Variants in SYN3 observed in about 807,000 individuals in gnomAD.
SYN3 encodes the protein synapsin III.
In SYN3, 35 loss-of-function variants were observed where a neutral mutation model predicts 65.8. The observed-to-expected ratio is 0.53, with a 90% CI of 0.41 to 0.70. SYN3 has a LOEUF of 0.70. SYN3 is among the 30% of genes least tolerant of loss of function. The probability of loss-of-function intolerance (pLI) is 0.00; values close to 1 mark genes in which losing one functional copy is unlikely to be tolerated. For missense variants in SYN3, 680 were observed against 749.0 expected, an observed-to-expected ratio of 0.91 and a Z score of 1.08; for synonymous variants, 270 against 292.9, an observed-to-expected ratio of 0.92 and a Z score of 0.80.
intron 4 of SYN3, among the ~76,000 whole-genome samples, chr22:32,901,913 G>A (rs1473871888): frequency 1.3e-5 from 2 of 152,244 alleles, no homozygotes; most frequent in Admixed American, 1.3e-4. Context: ...AGCTACTGAA[G>A]GGGAGGACAG....
chr22:33,002,159 T>C (rs1484290621), intron 2 of SYN3, among the ~76,000 whole-genome samples: 1 of 151,996 alleles, frequency 6.6e-6, no homozygotes, highest in South Asian at 2.1e-4. Context: ...ACAAACAAAG[T>C]TTCATGATAA....
At chr22:32,918,695 G>T (rs992297095) in intron 4 of SYN3, among the ~76,000 whole-genome samples, 1 of 152,204 alleles carries the variant, frequency 6.6e-6, no homozygotes, top group South Asian at 2.1e-4. Context: ...AGTAGGAGGT[G>T]CATGGGTAAG....
chr22:32,951,206 G>A (rs186963776), intron 3 of SYN3, among the ~76,000 whole-genome samples: 115 of 152,118 alleles, frequency 7.6e-4, no homozygotes, highest in Non-Finnish European at 4.4e-4. Flanking sequence ...CCCTAGTTCC[G>A]ACTTGCTCAG....
chr22:32,714,927 C>T (rs774703680), intron 6 of SYN3, among the ~76,000 whole-genome samples: 31 of 152,204 alleles, frequency 2.0e-4, no homozygotes, highest in East Asian at 3.9e-4. Flanking sequence ...AAGTTCTTCC[C>T]GCTCATCTCC....
At chr22:33,051,155 A>G (rs1419921225) in intron 1 of SYN3, among the ~76,000 whole-genome samples, 1 of 152,188 alleles carries the variant, frequency 6.6e-6, no homozygotes, top group South Asian at 2.1e-4. Context: ...GACCTACATC[A>G]GCAAGCCTGG....
At chr22:33,017,684 A>G (rs574930667) in intron 1 of SYN3, among the ~76,000 whole-genome samples, 6 of 152,164 alleles carry the variant, frequency 3.9e-5, no homozygotes, top group African/African-American at 1.4e-4. Flanking sequence ...TTGTTAGTAT[A>G]AAAAAATGCT....
At chr22:32,985,395 A>G (rs1248392940) in intron 2 of SYN3, among the ~76,000 whole-genome samples, 2 of 152,176 alleles carry the variant, frequency 1.3e-5, no homozygotes, top group African/African-American at 2.4e-5. Context: ...CCTTGCTTTG[A>G]TCTGTCTCAC....
chr22:32,597,949 A>C (rs2059225612), intron 6 of SYN3, among the ~76,000 whole-genome samples: 1 of 152,136 alleles, frequency 6.6e-6, no homozygotes, highest in Admixed American at 6.5e-5. Flanking sequence ...CTCAGGCCTG[A>C]GCTTTGCTTT....
chr22:32,637,391 G>A (rs927695040), intron 6 of SYN3, among the ~76,000 whole-genome samples: 4 of 152,142 alleles, frequency 2.6e-5, no homozygotes, highest in Admixed American at 6.5e-5. Context: ...AAAGTCTGCC[G>A]AATACACAGT....
intron 7 of SYN3, among the ~76,000 whole-genome samples, chr22:32,552,227 CAG>C (rs948633669): frequency 5.3e-5 from 8 of 152,078 alleles, no homozygotes; most frequent in African/African-American, 1.7e-4. Flanking sequence ...GCCCGGGTGA[CAG>C]AGTGAGACTC....
intron 6 of SYN3, among the ~76,000 whole-genome samples, chr22:32,729,990 C>G (rs1381357245): frequency 2.0e-5 from 3 of 152,156 alleles, no homozygotes; most frequent in African/African-American, 7.2e-5. Flanking sequence ...TTCTATAATA[C>G]TACTACTAAT....
At chr22:32,740,572 G>T (rs2061391622) in intron 6 of SYN3, among the ~76,000 whole-genome samples, 2 of 152,188 alleles carry the variant, frequency 1.3e-5, no homozygotes, top group African/African-American at 4.8e-5. Flanking sequence ...CGCAGAGTGT[G>T]GCTGGAATAC....
At chr22:32,515,653 T>C (rs1227942914) in intron 13 of SYN3, among the ~76,000 whole-genome samples, 1 of 152,244 alleles carries the variant, frequency 6.6e-6, no homozygotes, top group Non-Finnish European at 1.5e-5. Context: ...TGAAAGTATA[T>C]GTTCAGATTT....
At chr22:32,703,420 T>G (rs1042556715) in intron 6 of SYN3, among the ~76,000 whole-genome samples, 2 of 152,092 alleles carry the variant, frequency 1.3e-5, no homozygotes, top group Middle Eastern at 3.2e-3. Context: ...TGGCGGATCA[T>G]GAGGTCAGGA....
At chr22:32,945,304 C>T (rs1024672755) in intron 3 of SYN3, among the ~76,000 whole-genome samples, 1 of 152,216 alleles carries the variant, frequency 6.6e-6, no homozygotes, top group Non-Finnish European at 1.5e-5. Flanking sequence ...TACAAGGCTA[C>T]AGTAACCAAA....
chr22:32,631,217 C>A (rs1201185123), intron 6 of SYN3, among the ~76,000 whole-genome samples: 1 of 151,690 alleles, frequency 6.6e-6, no homozygotes, highest in African/African-American at 2.4e-5. Flanking sequence ...ATTGCTTGAA[C>A]CTGGGAGGCA....
intron 7 of SYN3, among the ~76,000 whole-genome samples, chr22:32,545,139 T>G (rs2058318162): frequency 6.6e-6 from 1 of 151,884 alleles, no homozygotes; most frequent in African/African-American, 2.4e-5. Flanking sequence ...CTGGCTGGAG[T>G]GTGGACCATC....
chr22:32,936,141 G>GA (rs1171734165), intron 3 of SYN3, among the ~76,000 whole-genome samples: 1 of 152,154 alleles, frequency 6.6e-6, no homozygotes, highest in Non-Finnish European at 1.5e-5. Context: ...ATGGAGGTGT[G>GA]AAATGTAAAG....
At chr22:32,880,525 C>T (rs1221748758) in intron 4 of SYN3, among the ~76,000 whole-genome samples, 4 of 152,102 alleles carry the variant, frequency 2.6e-5, no homozygotes, top group African/African-American at 4.8e-5. Context: ...CAGTCACTGA[C>T]CCCCTGGTGG....
Sources: gnomAD v4.1 joint callset for allele counts (sites outside exome capture counted in the v4.1 genomes callset) on GRCh38, gnomAD v4.1.1 for gene constraint, MANE v1.5 for transcripts, NCBI Gene and HGNC (gene_info 2026-07-23, HGNC 2026-07-21) for gene names.